Variants in RGS8 observed in about 807,000 individuals in gnomAD.
RGS8 encodes the protein regulator of G protein signaling 8.
RGS8 carries 8 observed loss-of-function variants against 21.7 expected under a neutral mutation model. The observed-to-expected ratio is 0.37, with a 90% confidence interval of 0.22 to 0.66. RGS8 has a LOEUF of 0.66. Among genes scored for constraint, RGS8 ranks in the 30% least tolerant of loss-of-function variants. RGS8 has a pLI of 0.59. For synonymous variants in RGS8, 80 were observed against 83.6 expected, an observed-to-expected ratio of 0.96 and a Z score of 0.24; for missense variants, 157 against 217.9, an observed-to-expected ratio of 0.72 and a Z score of 1.76.
the RGS8 span, among the ~76,000 whole-genome samples, chr1:182,749,906 T>A: frequency 6.6e-6 from 1 of 152,140 alleles, no homozygotes; most frequent in African/African-American, 2.4e-5. Context: ...CAGGCCCCAG[T>A]GTGTGTTGTT....
At chr1:182,683,076 C>T (rs1366262140) in intron 1 of RGS8, among the ~76,000 whole-genome samples, 3 of 152,116 alleles carry the variant, frequency 2.0e-5, no homozygotes, top group African/African-American at 7.2e-5. Context: ...GATGTGATAC[C>T]CAAGGGAGGC....
At chr1:182,706,297 T>C in the RGS8 span, among the ~76,000 whole-genome samples, 1 of 152,166 alleles carries the variant, frequency 6.6e-6, no homozygotes, top group African/African-American at 2.4e-5. Context: ...CCTGGAGATA[T>C]GTTTTATATG....
At chr1:182,684,888 A>G (rs1664661151), upstream of RGS8, among the ~76,000 whole-genome samples, 1 of 152,132 alleles carries the variant, frequency 6.6e-6, no homozygotes, top group African/African-American at 2.4e-5. This position sits in a 1 kb window ranked among gnomAD's most constrained non-coding sequence, Gnocchi z 4.2. Flanking sequence ...AGAAAGGATA[A>G]CCTGCTTTTG....
the RGS8 span, among the ~76,000 whole-genome samples, chr1:182,742,360 C>G: frequency 6.6e-6 from 1 of 151,938 alleles, no homozygotes; most frequent in African/African-American, 2.4e-5. Flanking sequence ...AGGCTGCAAT[C>G]TCGGCACTTT....
intron 1 of RGS8, among the ~76,000 whole-genome samples, chr1:182,681,260 G>A (rs1664526597): frequency 6.6e-6 from 1 of 152,080 alleles, no homozygotes; most frequent in Admixed American, 6.5e-5. Context: ...ATGAAACCCT[G>A]TCACAACTGA....
chr1:182,749,055 A>G, the RGS8 span, among the ~76,000 whole-genome samples: 1 of 152,042 alleles, frequency 6.6e-6, no homozygotes, highest in Non-Finnish European at 1.5e-5. Flanking sequence ...TGTCTCTTCT[A>G]TCTGTTATTT....
At chr1:182,669,340 C>T (rs1664038058) in intron 3 of RGS8, among the ~76,000 whole-genome samples, 1 of 152,210 alleles carries the variant, frequency 6.6e-6, no homozygotes, top group Non-Finnish European at 1.5e-5. Context: ...TCCATACAAG[C>T]TCATGCACAG....
chr1:182,647,002 A>G, intron 6 of RGS8, 85 bp from the exon 8 acceptor site: 1 of 1,109,354 alleles, frequency 9.0e-7, no homozygotes, highest in South Asian at 1.5e-5. Flanking sequence ...AATAATTATG[A>G]ATGACAGCAT....
chr1:182,643,671 G>A (rs1662577897), downstream of RGS8: 1 of 152,210 alleles, frequency 6.6e-6, no homozygotes. Flanking sequence ...ACGTGTCACA[G>A]GCTTTCCAGG....
At chr1:182,707,591 C>G in the RGS8 span, among the ~76,000 whole-genome samples, 1 of 152,154 alleles carries the variant, frequency 6.6e-6, no homozygotes, top group Non-Finnish European at 1.5e-5. Context: ...TATGGTTTGG[C>G]CAGGAAAAGT....
At chr1:182,674,179 C>T (rs996836745), upstream of RGS8, among the ~76,000 whole-genome samples, 6 of 152,204 alleles carry the variant, frequency 3.9e-5, no homozygotes, top group Admixed American at 3.9e-4. Context: ...AAATCTCACG[C>T]TGCCCCGGCC....
At chr1:182,643,333 C>CCCCCCCG (rs1320966882), downstream of RGS8, 17 of 126,412 alleles carry the variant, frequency 1.3e-4, 1 homozygote, top group African/African-American at 5.4e-4. Context: ...GCCCCCCCGC[C>CCCCCCCG]CCCGCGCTGT....
At chr1:182,720,874 T>C in the RGS8 span, among the ~76,000 whole-genome samples, 2,909 of 139,868 alleles carry the variant, frequency 0.021, 131 homozygotes, top group African/African-American at 0.071. Flanking sequence ...TATATACACA[T>C]ATATGTATAT....
intron 5 of RGS8, among the ~76,000 whole-genome samples, chr1:182,650,775 C>A (rs1210030996): frequency 6.6e-6 from 1 of 152,122 alleles, no homozygotes; most frequent in Non-Finnish European, 1.5e-5. Flanking sequence ...ATCACCTGAA[C>A]CCTAGAGGTT....
chr1:182,668,817 C>T lies in RGS8; in HGVS notation c.26+807G>A, dbSNP rs566124194. Among the ~76,000 whole-genome samples, 66 of 152,346 alleles carry T rather than the reference C, an allele frequency of 4.3e-4. 1 individual carries two copies. Among genetic ancestry groups the T allele is most frequent in the African/African-American group, 1.5e-3 (62 of 41,576 alleles). On this transcript the variant is annotated intron_variant, in intron 3 of 6. Coordinates refer to ENST00000483095, the Ensembl canonical transcript of RGS8. ...GCAAATCGCAGGGTGTCTGACAGCA[C>T]GCCTTGCGAGCAGCTGATTGAGGGC... is the stretch of plus-strand genomic sequence containing the variant.
chr1:182,740,530 TG>T, the RGS8 span, among the ~76,000 whole-genome samples: 11 of 137,038 alleles, frequency 8.0e-5, no homozygotes, highest in Admixed American at 2.3e-4. Context: ...GAACTCATGT[TG>T]TTTTTTTTGT....
chr1:182,735,371 A>C, the RGS8 span, among the ~76,000 whole-genome samples: 5 of 152,254 alleles, frequency 3.3e-5, no homozygotes, highest in Non-Finnish European at 5.9e-5. Context: ...ACTAAAAATA[A>C]AGATAAACGG....
intron 5 of RGS8, among the ~76,000 whole-genome samples, chr1:182,655,388 G>A (rs1663225731): frequency 6.6e-6 from 1 of 152,340 alleles, no homozygotes; most frequent in African/African-American, 2.4e-5. Flanking sequence ...ACTGAGGAAG[G>A]CAGAGGGGTA....
At chr1:182,708,987 C>T in the RGS8 span, among the ~76,000 whole-genome samples, 3 of 152,224 alleles carry the variant, frequency 2.0e-5, no homozygotes, top group African/African-American at 4.8e-5. Flanking sequence ...CATCTAGGAA[C>T]AGCAGCCTGA....
Sources: gnomAD v4.1 joint callset for allele counts (sites outside exome capture counted in the v4.1 genomes callset) on GRCh38, gnomAD v4.1.1 for gene constraint, Gnocchi (gnomAD v3.1) non-coding constraint, MANE v1.5 for transcripts, NCBI Gene and HGNC (gene_info 2026-07-23, HGNC 2026-07-21) for gene names.